PAX5: variants seen among roughly 807,000 people sequenced by gnomAD.
PAX5 encodes paired box 5, also known as paired box protein Pax-5.
Under a neutral mutation model 43.7 loss-of-function variants are expected in PAX5, and 9 were observed. That is an observed-to-expected ratio of 0.21 (90% CI 0.12 to 0.36). The LOEUF (loss-of-function observed/expected upper bound fraction) is 0.36. PAX5 is among the 10% of genes least tolerant of loss of function. PAX5 has a pLI of 1.00. For missense variants in PAX5, 383 were observed against 532.7 expected (o/e 0.72, Z 2.77); for synonymous variants, 228 against 214.3 (o/e 1.06, Z -0.56).
intron 8 of PAX5, among the ~76,000 whole-genome samples, chr9:36,853,944 G>A (rs1020790808): frequency 6.6e-6 from 1 of 152,332 alleles, no homozygotes; most frequent in Non-Finnish European, 1.5e-5. Flanking sequence ...GCCAGATGAC[G>A]GGGATTTGCA....
chr9:36,986,770 T>C lies in PAX5; in HGVS notation c.604+15878A>G, dbSNP rs1164503798. Among the ~76,000 whole-genome samples, 3 of 152,140 alleles carry C rather than the reference T, an allele frequency of 2.0e-5. No homozygotes were observed. The East Asian group carries it at 5.8e-4, about 30-fold the overall frequency. On this transcript the variant is annotated intron_variant, in intron 5 of 9. Coordinates refer to ENST00000358127, the MANE Select transcript of PAX5 (RefSeq NM_016734.3). ...AGGGACCTCGGCCTCTCTGCCGAGC[T>C]GTATTCTCACGGTGGCACCGCGGAT... is the stretch of plus-strand genomic sequence containing the variant.
Position 37,003,154 on chromosome 9 carries a change from TAAAAAA to T in PAX5, c.476-384_476-379del, listed in dbSNP as rs67081521. On this transcript the variant is annotated intron_variant, in intron 4 of 9. Transcript: ENST00000358127. ...CCGGGGCCCACCAACAGTCAGTGCTTAAAAAAAAAAAAAAAAAAAAAAAAAAACCTG... is the reference window on the plus strand; with the variant it reads ...CCGGGGCCCACCAACAGTCAGTGCTTAAAAAAAAAAAAAAAAAAAAACCTG... Among the ~76,000 whole-genome samples the T allele has an allele frequency of 2.1e-4, 16 of 75,830 alleles. No homozygotes were observed. The South Asian group carries it at 9.6e-3, about 45-fold the overall frequency. The allele number at this position is 75,830 out of a possible 152,430, so 49.7% of individuals were successfully genotyped here. A position where few individuals can be genotyped will look rare whatever the true frequency, so the allele number is the denominator to read the frequency against.
chr9:36,962,479 C>T (rs1340915954), intron 6 of PAX5, among the ~76,000 whole-genome samples: 1 of 152,206 alleles, frequency 6.6e-6, no homozygotes, highest in Non-Finnish European at 1.5e-5. Context: ...GTTTGGCAGG[C>T]ATTTGCCTCG....
chr9:36,958,055 T>C (rs1833638213), intron 6 of PAX5, among the ~76,000 whole-genome samples: 1 of 152,192 alleles, frequency 6.6e-6, no homozygotes, highest in Non-Finnish European at 1.5e-5. Context: ...CTAGAGGGTC[T>C]GGGATTTTTT....
intron 1 of PAX5, among the ~76,000 whole-genome samples, chr9:37,023,048 C>T (rs1011042074): frequency 7.9e-5 from 12 of 151,586 alleles, no homozygotes; most frequent in African/African-American, 2.7e-4. Context: ...CTGAATGAGG[C>T]GAGGCAGGAC....
chr9:36,886,613 C>T (rs1826928040), intron 7 of PAX5, among the ~76,000 whole-genome samples: 1 of 152,220 alleles, frequency 6.6e-6, no homozygotes, highest in Admixed American at 6.5e-5. Context: ...AGCCTCTGGA[C>T]TGGGATGGGA....
intron 7 of PAX5, among the ~76,000 whole-genome samples, chr9:36,920,825 T>G (rs13300513): frequency 1.5e-5 from 2 of 135,110 alleles, no homozygotes; most frequent in African/African-American, 2.8e-5. Flanking sequence ...TTTTTTTTTT[T>G]TTTTTGAGAC....
At chr9:36,900,625 C>T (rs1006137916) in intron 7 of PAX5, among the ~76,000 whole-genome samples, 1 of 152,194 alleles carries the variant, frequency 6.6e-6, no homozygotes, top group Non-Finnish European at 1.5e-5. Context: ...CACTCCCCCA[C>T]TCCGGGCTTC....
intron 5 of PAX5, among the ~76,000 whole-genome samples, chr9:36,990,540 AG>A (rs1248561992): frequency 6.6e-6 from 1 of 152,220 alleles, no homozygotes; most frequent in Non-Finnish European, 1.5e-5. Flanking sequence ...TGCTATGTGG[AG>A]GGCAGACTAT....
intron 3 of PAX5, among the ~76,000 whole-genome samples, chr9:37,010,630 C>A (rs1838841844): frequency 6.6e-6 from 1 of 152,130 alleles, no homozygotes. Flanking sequence ...CCCCGCCCCA[C>A]CACCAGTCCT....
intron 5 of PAX5, among the ~76,000 whole-genome samples, chr9:36,978,598 AT>A (rs1161334673): frequency 6.6e-6 from 1 of 152,060 alleles, no homozygotes; most frequent in African/African-American, 2.4e-5. Context: ...TACTGTCTGT[AT>A]TTTTTCCCAA....
chr9:36,954,278 G>A (rs1833261490), intron 6 of PAX5, among the ~76,000 whole-genome samples: 3 of 152,256 alleles, frequency 2.0e-5, no homozygotes, highest in Admixed American at 6.5e-5. Flanking sequence ...CTTAGGCCAA[G>A]AAAACGTGTT....
chr9:36,904,484 A>G (rs1828655429), intron 7 of PAX5, among the ~76,000 whole-genome samples: 1 of 152,112 alleles, frequency 6.6e-6, no homozygotes, highest in Non-Finnish European at 1.5e-5. Context: ...GCCAGAAACA[A>G]CCTTACTAAA....
In PAX5 at chr9:36,852,941, G is replaced by C. The variant is rs538923113; in HGVS notation, c.1013-6012C>G. On this transcript the variant is annotated intron_variant, in intron 8 of 9. Transcript: ENST00000358127. The stretch of plus-strand genomic sequence containing the variant: ...ACCTCGTTGAGCTGGGCCAGCAGAG[G>C]AAAGGGAAATCTTCTCATCACATCC... 8.5e-5 allele frequency among the ~76,000 whole-genome samples: 13 copies of C among 152,306 alleles called. 1 individual carries two copies. The highest frequency in any genetic ancestry group is 4.2e-4 in the South Asian group (2 of 4,818).
Position 36,840,475 on chromosome 9 carries a change from G to T in PAX5, c.*85C>A. ...GGGATGCTGGGGGACGGTCTCATGG[G>T]CTCTCTGGCTATCTTCAGGAGGGCT... On this transcript the variant is annotated 3_prime_UTR_variant, in exon 10 of 10. Transcript: ENST00000358127. The T allele has an allele frequency of 1.5e-6, 2 of 1,318,684 alleles. No individual in the cohort carries two copies. Among genetic ancestry groups the T allele is most frequent in the Non-Finnish European group, 1.1e-6 (1 of 941,448 alleles). 81.7% of individuals were successfully genotyped at this position (1,318,684 alleles called of 1,614,324 possible). A position where few individuals can be genotyped will look rare whatever the true frequency, so the allele number is the denominator to read the frequency against.
intron 5 of PAX5, among the ~76,000 whole-genome samples, chr9:36,995,423 C>T (rs777244436): frequency 6.6e-6 from 1 of 152,110 alleles, no homozygotes; most frequent in Non-Finnish European, 1.5e-5. Flanking sequence ...GAAAGGGAGG[C>T]CCGCGAGAGA....
At position 36,833,808 on chromosome 9, in the gene PAX5, T is replaced by C. The variant is rs899370690; in HGVS notation, c.*6752A>G. 21 of 232,646 alleles carry C rather than the reference T, an allele frequency of 9.0e-5. No individual in the cohort carries two copies. The highest frequency in any genetic ancestry group is 6.8e-4 in the Admixed American group (12 of 17,756). The allele number at this position is 232,646 out of a possible 1,614,324, so 14.4% of individuals were successfully genotyped here. On this transcript the variant is annotated 3_prime_UTR_variant, in exon 10 of 10. Transcript: ENST00000358127. ...TTTTCAATCCGTTGGAGACAGATCA[T>C]CTCCCACTTTCAAAGGCAATTCAAT...
rs554568206 is a variant in PAX5, at chr9:36,930,706, T to A, written c.781-7222A>T. On this transcript the variant is annotated intron_variant, in intron 6 of 9. Coordinates refer to ENST00000358127, the MANE Select transcript of PAX5 (RefSeq NM_016734.3). ...TTTCACCATGAGTAAAATGAAATTT[T>A]AATTCTAGTCCCTAGCTGCCTGCCT... is the stretch of plus-strand genomic sequence containing the variant. Among the ~76,000 whole-genome samples the A allele has an allele frequency of 3.3e-5, 5 of 152,190 alleles. No individual in the cohort carries two copies. In the East Asian group the frequency reaches 9.7e-4, roughly 30 times the overall value.
At chr9:36,960,017 A>G (rs2132154483) in intron 6 of PAX5, among the ~76,000 whole-genome samples, 2 of 152,352 alleles carry the variant, frequency 1.3e-5, no homozygotes, top group South Asian at 4.1e-4. Context: ...CAATGAATAC[A>G]TAGTAGCTAC....
Sources: gnomAD v4.1 joint callset for allele counts (sites outside exome capture counted in the v4.1 genomes callset) on GRCh38, gnomAD v4.1.1 for gene constraint, MANE v1.5 for transcripts, NCBI Gene and HGNC (gene_info 2026-07-23, HGNC 2026-07-21) for gene names.